MYO7B: variants seen among roughly 807,000 people sequenced by gnomAD.
The protein encoded by MYO7B is unconventional myosin-VIIb.
MYO7B carries 212 observed loss-of-function variants against 259.7 expected under a neutral mutation model. That is an observed-to-expected ratio of 0.82 (90% confidence interval 0.73 to 0.91). MYO7B has a LOEUF of 0.91. Among genes scored for constraint, MYO7B ranks in the 40% least tolerant of loss-of-function variants. The pLI is 0.00. For missense variants in MYO7B, 2,732 were observed against 2,813.5 expected (o/e 0.97, Z 0.66); for synonymous variants, 1,197 against 1,166.4 (o/e 1.03, Z -0.54).
chr2:127,581,139 A>G (rs13407823), intron 10 of MYO7B, among the ~76,000 whole-genome samples: 66,863 of 151,818 alleles, frequency 0.44, 15,300 homozygotes, highest in East Asian at 0.67. Flanking sequence ...TAGGCTCCCC[A>G]CTTGGACCCC....
At chr2:127,591,473 G>A (rs566324868) in intron 16 of MYO7B, among the ~76,000 whole-genome samples, 2 of 152,328 alleles carry the variant, frequency 1.3e-5, no homozygotes, top group East Asian at 1.9e-4. Flanking sequence ...CCCCTTAGAA[G>A]CAAAACCCTA....
intron 26 of MYO7B, among the ~76,000 whole-genome samples, chr2:127,617,498 T>TTTG (rs1680620174): frequency 2.3e-5 from 3 of 130,276 alleles, no homozygotes; most frequent in Non-Finnish European, 3.2e-5. Context: ...TTTTTTTTTT[T>TTTG]TTTTTTTTTT....
At chr2:127,620,305 C>A in intron 26 of MYO7B, 35 bp from the exon 27 acceptor site, 1 of 1,582,604 alleles carries the variant, frequency 6.3e-7, no homozygotes. Context: ...TCCTCCAGCC[C>A]CCAGCCTACT....
At chr2:127,616,954 A>T (rs537095667) in intron 26 of MYO7B, among the ~76,000 whole-genome samples, 1 of 152,172 alleles carries the variant, frequency 6.6e-6, no homozygotes, top group Non-Finnish European at 1.5e-5. Context: ...TTTTGCCCAG[A>T]GGTCTGGCGG....
At position 127,636,938 on chromosome 2, in the gene MYO7B, C is replaced by T. The variant is rs999908246; in HGVS notation, c.6327+25C>T. On this transcript the variant is annotated intron_variant, in intron 47 of 47. Coordinates refer to ENST00000409816, the MANE Select transcript of MYO7B (RefSeq NM_001393586.1). The surrounding 1 kb of genome is among the most constrained non-coding windows in gnomAD (Gnocchi z 4.5). ...GGTGAGCTCAGGTTCTTTCTCCCAT[C>T]CAAGATGCATAGGACAGAGCTGCTG... 15 of 1,607,708 alleles carry T rather than the reference C, an allele frequency of 9.3e-6. No homozygotes were observed. Among genetic ancestry groups the T allele is most frequent in the Admixed American group, 1.7e-5 (1 of 59,990 alleles).
At chr2:127,620,114 C>A in intron 26 of MYO7B, 1 of 388,640 alleles carries the variant, frequency 2.6e-6, no homozygotes, top group Non-Finnish European at 4.6e-6. Flanking sequence ...CCGAGCCCCA[C>A]CCTAAAGGAC....
chr2:127,589,973 T>C (rs1573662022), intron 15 of MYO7B, 119 bp from the exon 16 acceptor site: 2 of 1,132,098 alleles, frequency 1.8e-6, no homozygotes, highest in East Asian at 2.6e-5. Flanking sequence ...GATTCTTGAA[T>C]AGGTAGATGC....
chr2:127,627,478 C>G lies in MYO7B; in HGVS notation c.4460+168C>G. ...GGCTTCTGTACTTCGGAGCCCCACC[C>G]TCCTGCACCAGGCCGTACTGCCCAT... On this transcript the variant is annotated intron_variant, in intron 33 of 47. Transcript: ENST00000409816. The surrounding 1 kb of genome is among the most constrained non-coding windows in gnomAD (Gnocchi z 5.6). 1.1e-6 allele frequency: 1 copy of G among 927,500 alleles called. No individual in the cohort carries two copies. Among genetic ancestry groups the G allele is most frequent in the Non-Finnish European group, 1.7e-6 (1 of 594,882 alleles). The allele number at this position is 927,500 out of a possible 1,614,324, so 57.5% of individuals were successfully genotyped here.
Position 127,628,600 on chromosome 2 carries a change from T to G in MYO7B, c.4624+65T>G. The G allele has an allele frequency of 1.4e-6, 2 of 1,401,700 alleles. No individual in the cohort carries two copies. 86.8% of individuals were successfully genotyped at this position (1,401,700 alleles called of 1,614,324 possible). ...GGGGGAGGGCCGCGCATGGGGTCTG[T>G]AGGTAGGTGGCATGCTCATCTCCAC... On this transcript the variant is annotated intron_variant, in intron 34 of 47. Transcript: ENST00000409816. The surrounding 1 kb of genome is among the most constrained non-coding windows in gnomAD (Gnocchi z 4.8).
Position 127,576,551 on chromosome 2 carries a change from G to C in MYO7B, c.736-44G>C, listed in dbSNP as rs772770236. On this transcript the variant is annotated intron_variant, in intron 7 of 47. Coordinates refer to ENST00000409816, the MANE Select transcript of MYO7B (RefSeq NM_001393586.1). This position sits in a 1 kb window ranked among gnomAD's most constrained non-coding sequence, Gnocchi z 4.9. ...AGTCTGAGGCCCTGAGGCCTCAGGG[G>C]AATGGCTCATGAATCTGTCTGGAAT... 7.5e-7 allele frequency: 1 copy of C among 1,329,168 alleles called. No individual in the cohort carries two copies. The highest frequency in any genetic ancestry group is 2.4e-5 in the East Asian group (1 of 41,724). The allele number at this position is 1,329,168 out of a possible 1,614,324, so 82.3% of individuals were successfully genotyped here. A position where few individuals can be genotyped will look rare whatever the true frequency, so the allele number is the denominator to read the frequency against.
intron 5 of MYO7B, among the ~76,000 whole-genome samples, chr2:127,567,985 A>C (rs1279254236): frequency 6.6e-6 from 1 of 152,222 alleles, no homozygotes; most frequent in Non-Finnish European, 1.5e-5. Context: ...GTCCTAAGGC[A>C]CAGGTGATCA....
In MYO7B at chr2:127,585,655, A is replaced by G. The variant is rs1679275104; in HGVS notation, c.1690+742A>G. Among the ~76,000 whole-genome samples, 1 of 152,182 alleles carries G rather than the reference A, an allele frequency of 6.6e-6. No individual in the cohort carries two copies. The highest frequency in any genetic ancestry group is 2.4e-5 in the African/African-American group (1 of 41,422). On this transcript the variant is annotated intron_variant, in intron 14 of 47. Coordinates refer to ENST00000409816, the MANE Select transcript of MYO7B (RefSeq NM_001393586.1). The surrounding 1 kb of genome is among the most constrained non-coding windows in gnomAD (Gnocchi z 4.3). ...GTTTAACTGTTTGAGGAACCACCAG[A>G]CTGTTTTCCAAAGCGGCTGTATGAT...
In MYO7B at chr2:127,592,959, C is replaced by A. The variant is rs375975547; in HGVS notation, c.2145+13C>A. ...CATGCGGATGCAGGTCAGCGCCCCTCGGGGACGGTCACCTCTGGCCATCCG... is the reference window on the plus strand; with the variant it reads ...CATGCGGATGCAGGTCAGCGCCCCTAGGGGACGGTCACCTCTGGCCATCCG... On this transcript the variant is annotated intron_variant, in intron 17 of 47. Coordinates refer to ENST00000409816, the MANE Select transcript of MYO7B (RefSeq NM_001393586.1). 2 of 1,574,126 alleles carry A rather than the reference C, an allele frequency of 1.3e-6. No individual in the cohort carries two copies. The highest frequency in any genetic ancestry group is 2.4e-5 in the East Asian group (1 of 42,276).
At chr2:127,599,695 T>C (rs1437388409) in intron 19 of MYO7B, among the ~76,000 whole-genome samples, 1 of 152,208 alleles carries the variant, frequency 6.6e-6, no homozygotes, top group Non-Finnish European at 1.5e-5. Flanking sequence ...GCTTCCAATA[T>C]TCCTAGTTTT....
At chr2:127,553,244 T>C (rs1179721250) in intron 1 of MYO7B, among the ~76,000 whole-genome samples, 1 of 152,196 alleles carries the variant, frequency 6.6e-6, no homozygotes, top group Non-Finnish European at 1.5e-5. Flanking sequence ...CTATGGGGGA[T>C]CTTTTTTGGT....
intron 3 of MYO7B, among the ~76,000 whole-genome samples, chr2:127,564,657 C>T (rs1249326240): frequency 6.6e-6 from 1 of 152,064 alleles, no homozygotes; most frequent in Non-Finnish European, 1.5e-5. Flanking sequence ...GGGGTCAGGG[C>T]CAGCTAGGTG....
chr2:127,630,881 TGGA>T lies in MYO7B; in HGVS notation c.4915_4917del (p.Glu1639del). ...CCACCCAAGGAAAAGCTGCACACCC[TGGA>T]GGAGTTCTCCTATGAGTTCTTCAGG... is the stretch of plus-strand genomic sequence containing the variant. On this transcript the variant is annotated inframe_deletion, in exon 36 of 48. Coordinates refer to ENST00000409816, the MANE Select transcript of MYO7B (RefSeq NM_001393586.1). 3.1e-6 allele frequency: 5 copies of T among 1,600,272 alleles called. No homozygotes were observed. The highest frequency in any genetic ancestry group is 4.3e-6 in the Non-Finnish European group (5 of 1,173,450).
chr2:127,564,662 T>A (rs1218800375), intron 3 of MYO7B, among the ~76,000 whole-genome samples: 1 of 151,988 alleles, frequency 6.6e-6, no homozygotes, highest in Non-Finnish European at 1.5e-5. Context: ...CAGGGCCAGC[T>A]AGGTGGTGAG....
intron 24 of MYO7B, 52 bp from the exon 25 acceptor site, chr2:127,612,198 C>T (rs1482980658): frequency 3.6e-6 from 2 of 550,780 alleles, no homozygotes; most frequent in Admixed American, 2.2e-5. Flanking sequence ...GGGTCAGCAT[C>T]ACTGAGGTGA....
Sources: allele counts gnomAD v4.1 joint callset (sites outside exome capture counted in the v4.1 genomes callset), GRCh38; gene constraint gnomAD v4.1.1; non-coding constraint Gnocchi (gnomAD v3.1); transcripts MANE v1.5; gene names NCBI Gene and HGNC (gene_info 2026-07-23, HGNC 2026-07-21).